Variants in PTPRD observed in about 807,000 individuals in gnomAD.
PTPRD encodes the protein protein tyrosine phosphatase receptor type D.
PTPRD carries 34 observed loss-of-function variants against 214.5 expected under a neutral mutation model. The observed-to-expected ratio is 0.16, with a 90% CI of 0.12 to 0.21. The LOEUF (loss-of-function observed/expected upper bound fraction) is 0.21, where lower values mean the gene tolerates loss of function less well. Ranked by LOEUF, PTPRD falls within the 10% of genes least tolerant of loss-of-function variation. PTPRD has a pLI of 1.00. For missense variants in PTPRD, 2,545 were observed against 2,398.7 expected (o/e 1.06, Z -1.27); for synonymous variants, 1,128 against 845.7 (o/e 1.33, Z -5.79).
chr9:9,208,019 G>GTTTTTTTTTTTT (rs1569562243), intron 9 of PTPRD, among the ~76,000 whole-genome samples: 10 of 26,034 alleles, frequency 3.8e-4, no homozygotes, highest in Non-Finnish European at 4.5e-4. Context: ...ATATATATCT[G>GTTTTTTTTTTTT]CTTTTTTTTT....
intron 11 of PTPRD, among the ~76,000 whole-genome samples, chr9:8,742,343 A>C (rs892597446): frequency 2.0e-5 from 3 of 152,180 alleles, no homozygotes; most frequent in African/African-American, 7.2e-5. Context: ...GCATTACCTC[A>C]TATAGTTATC....
intron 10 of PTPRD, among the ~76,000 whole-genome samples, chr9:9,118,839 G>C (rs747545430): frequency 4.6e-5 from 7 of 152,082 alleles, no homozygotes; most frequent in African/African-American, 1.7e-4. Context: ...AATAATAAGA[G>C]CATTTTATTT....
chr9:8,425,117 T>A (rs1443125952), intron 35 of PTPRD, among the ~76,000 whole-genome samples: 2 of 152,194 alleles, frequency 1.3e-5, no homozygotes, highest in Non-Finnish European at 2.9e-5. Flanking sequence ...ATACTGCCAC[T>A]ACCATTTTAT....
intron 14 of PTPRD, among the ~76,000 whole-genome samples, chr9:8,580,603 T>C (rs2092970406): frequency 6.6e-6 from 1 of 152,200 alleles, no homozygotes; most frequent in South Asian, 2.1e-4. Context: ...AGACTTAAAC[T>C]TGAGGTGTTG....
intron 11 of PTPRD, among the ~76,000 whole-genome samples, chr9:8,827,014 T>A (rs2097189444): frequency 6.6e-6 from 1 of 151,992 alleles, no homozygotes; most frequent in Non-Finnish European, 1.5e-5. Context: ...TCAGTCAAAC[T>A]CTAGTGTCTT....
At chr9:9,425,354 C>CAT (rs1347964661) in intron 8 of PTPRD, among the ~76,000 whole-genome samples, 3 of 129,824 alleles carry the variant, frequency 2.3e-5, no homozygotes, top group African/African-American at 8.7e-5. Flanking sequence ...ATTACATGTG[C>CAT]ATATATATAA....
At chr9:9,315,026 C>A (rs1008040370) in intron 9 of PTPRD, among the ~76,000 whole-genome samples, 14 of 151,946 alleles carry the variant, frequency 9.2e-5, no homozygotes, top group Non-Finnish European at 1.6e-4. Context: ...ATACAACTCA[C>A]CTAGATTTTA....
chr9:9,609,621 C>G lies in PTPRD; in HGVS notation c.-286-34840G>C, dbSNP rs182223766. Among the ~76,000 whole-genome samples, 10 of 152,250 alleles carry G rather than the reference C, an allele frequency of 6.6e-5. 1 individual carries two copies. The highest frequency in any genetic ancestry group is 1.7e-4 in the African/African-American group (7 of 41,564). Reference sequence around the variant, plus strand: ...GGGATTACAGATGTACGCCACCACACCTGGCTAATTTTTGTATTTTTAGTA... The same window carrying G: ...GGGATTACAGATGTACGCCACCACAGCTGGCTAATTTTTGTATTTTTAGTA... On this transcript the variant is annotated intron_variant, in intron 7 of 45. Coordinates refer to ENST00000381196, the MANE Select transcript of PTPRD (RefSeq NM_002839.4).
intron 10 of PTPRD, among the ~76,000 whole-genome samples, chr9:9,081,910 G>C (rs1412915875): frequency 6.6e-6 from 1 of 150,542 alleles, no homozygotes; most frequent in Non-Finnish European, 1.5e-5. Context: ...CACGTGAGGT[G>C]GGTCTTAGTC....
chr9:9,312,009 T>C (rs774394680), intron 9 of PTPRD, among the ~76,000 whole-genome samples: 1 of 152,224 alleles, frequency 6.6e-6, no homozygotes, highest in Non-Finnish European at 1.5e-5. Flanking sequence ...AATTTGCTAG[T>C]CCTGTTTATT....
intron 9 of PTPRD, among the ~76,000 whole-genome samples, chr9:9,333,551 G>C (rs1404381373): frequency 7.1e-6 from 1 of 140,910 alleles, no homozygotes; most frequent in African/African-American, 2.9e-5. Context: ...ATCACAAGTG[G>C]CCACATGATG....
At chr9:8,806,078 T>A (rs867333540) in intron 11 of PTPRD, among the ~76,000 whole-genome samples, 7 of 150,886 alleles carry the variant, frequency 4.6e-5, no homozygotes, top group African/African-American at 1.7e-4. Context: ...TGACCACCAC[T>A]ATGCCCAGCT....
intron 3 of PTPRD, among the ~76,000 whole-genome samples, chr9:10,100,554 C>T (rs779099146): frequency 2.4e-4 from 36 of 151,596 alleles, no homozygotes; most frequent in Admixed American, 6.6e-4. Context: ...AAGTCAGCAA[C>T]CACAGGGAAT....
rs566707923 is a variant in PTPRD, at chr9:8,601,818, G to C, written c.352+31499C>G. Among the ~76,000 whole-genome samples, 5 of 152,244 alleles carry C rather than the reference G, an allele frequency of 3.3e-5. No homozygotes were observed. In the South Asian group the frequency reaches 1.0e-3, roughly 32 times the overall value. The stretch of plus-strand genomic sequence containing the variant: ...TATCAGGGTTGGAAAAGGAAAATTA[G>C]AAAACCATACATTTATTAATTTAGT... On this transcript the variant is annotated intron_variant, in intron 14 of 45. Transcript: ENST00000381196.
At chr9:9,233,696 A>C (rs2099964633) in intron 9 of PTPRD, among the ~76,000 whole-genome samples, 1 of 152,198 alleles carries the variant, frequency 6.6e-6, no homozygotes, top group Non-Finnish European at 1.5e-5. Context: ...GAAATAGACC[A>C]AAAAAAGGGG....
chr9:9,891,264 G>C (rs955148592), intron 5 of PTPRD, among the ~76,000 whole-genome samples: 2 of 151,800 alleles, frequency 1.3e-5, no homozygotes, highest in Non-Finnish European at 2.9e-5. Flanking sequence ...GACTTTCAAA[G>C]AAATATGCAA....
intron 7 of PTPRD, among the ~76,000 whole-genome samples, chr9:9,675,307 C>T (rs1427346185): frequency 2.0e-5 from 3 of 151,670 alleles, no homozygotes. Context: ...AATATATATT[C>T]TTAAATGCTC....
chr9:9,262,269 A>C (rs916687160), intron 9 of PTPRD, among the ~76,000 whole-genome samples: 3 of 151,182 alleles, frequency 2.0e-5, no homozygotes, highest in African/African-American at 7.3e-5. Flanking sequence ...ACACATCAGA[A>C]AGAGTAAAAT....
At chr9:9,328,570 A>T (rs2802284) in intron 9 of PTPRD, among the ~76,000 whole-genome samples, 75,968 of 146,896 alleles carry the variant, frequency 0.52, 20,633 homozygotes, top group African/African-American at 0.7. Flanking sequence ...TGAGCAAAAC[A>T]TGGTCAAATT....
Sources: allele counts gnomAD v4.1 joint callset (sites outside exome capture counted in the v4.1 genomes callset), GRCh38; gene constraint gnomAD v4.1.1; transcripts MANE v1.5; gene names NCBI Gene and HGNC (gene_info 2026-07-23, HGNC 2026-07-21).